Variants in SOX6 observed in about 807,000 individuals in gnomAD.
The protein encoded by SOX6 is transcription factor SOX-6.
Under a neutral mutation model 97.8 loss-of-function variants are expected in SOX6, and 11 were observed. That is an observed-to-expected ratio of 0.11 (90% CI 0.07 to 0.19). SOX6 has a LOEUF of 0.19. Ranked by LOEUF, SOX6 falls within the 10% of genes least tolerant of loss-of-function variation. The pLI is 1.00. For missense variants in SOX6, 810 were observed against 1,039.5 expected, an observed-to-expected ratio of 0.78 and a Z score of 3.04; for synonymous variants, 360 against 371.4, an observed-to-expected ratio of 0.97 and a Z score of 0.35.
intron 10 of SOX6, among the ~76,000 whole-genome samples, chr11:16,052,478 G>A (rs1049668175): frequency 2.0e-5 from 3 of 152,114 alleles, no homozygotes; most frequent in African/African-American, 7.2e-5. Flanking sequence ...TTTTTAGGAA[G>A]GCAGATGCTT....
rs992656403 is a variant in SOX6, at chr11:16,613,836, G to T, written n.430-1576C>A. ...GTGCCTAAGTCGCCACCTTGAGGTCGAGGGGAAGACTGCGCCCAGCTAGGG... is the reference window on the plus strand; with the variant it reads ...GTGCCTAAGTCGCCACCTTGAGGTCTAGGGGAAGACTGCGCCCAGCTAGGG... On this transcript the variant is annotated intron_variant and non_coding_transcript_variant, in intron 3 of 5. Coordinates refer to the SOX6 transcript ENST00000524520. This position sits in a 1 kb window ranked among gnomAD's most constrained non-coding sequence, Gnocchi z 4.6. Among the ~76,000 whole-genome samples, 3 of 152,164 alleles carry T rather than the reference G, an allele frequency of 2.0e-5. No homozygotes were observed. Among genetic ancestry groups the T allele is most frequent in the Non-Finnish European group, 2.9e-5 (2 of 68,022 alleles).
chr11:16,693,004 G>T (rs1848027766), intron 3 of SOX6, among the ~76,000 whole-genome samples: 1 of 152,046 alleles, frequency 6.6e-6, no homozygotes, highest in South Asian at 2.1e-4. Flanking sequence ...TTACTGTTTG[G>T]CATTTAGAGC....
chr11:15,988,048 A>G (rs957933417), intron 14 of SOX6, among the ~76,000 whole-genome samples: 1 of 152,188 alleles, frequency 6.6e-6, no homozygotes, highest in Non-Finnish European at 1.5e-5. Context: ...CTCAGGTTAA[A>G]TATTTATTAC....
intron 3 of SOX6, among the ~76,000 whole-genome samples, chr11:16,673,186 C>A (rs570296806): frequency 2.6e-5 from 4 of 151,992 alleles, no homozygotes; most frequent in Non-Finnish European, 5.9e-5. Flanking sequence ...TTCAAATAAC[C>A]TAACAATGTG....
chr11:16,389,775 C>T (rs1017452211), intron 1 of SOX6, among the ~76,000 whole-genome samples: 6 of 151,412 alleles, frequency 4.0e-5, no homozygotes, highest in Non-Finnish European at 5.9e-5. Flanking sequence ...GAGACCATCC[C>T]GGCTAACACG....
In SOX6 at chr11:16,524,701, T is replaced by A. The variant is rs1250589155; in HGVS notation, n.610-48313A>T. ...AAGAGGAAGTCAAATTGTCCCCGTT[T>A]GCAGATGACATGATTGTATATCTAG... is the stretch of plus-strand genomic sequence containing the variant. On this transcript the variant is annotated intron_variant and non_coding_transcript_variant, in intron 4 of 5. Transcript: ENST00000524520. 2.6e-5 allele frequency among the ~76,000 whole-genome samples: 4 copies of A among 152,170 alleles called. No homozygotes were observed. In the East Asian group the frequency reaches 7.7e-4, roughly 29 times the overall value.
chr11:16,204,417 T>C (rs1462927910), intron 4 of SOX6, among the ~76,000 whole-genome samples: 1 of 152,046 alleles, frequency 6.6e-6, no homozygotes, highest in African/African-American at 2.4e-5. Context: ...GGAGAGGACA[T>C]GTGGGGGTGT....
At chr11:16,690,263 T>G (rs1478383074) in intron 3 of SOX6, among the ~76,000 whole-genome samples, 2 of 152,216 alleles carry the variant, frequency 1.3e-5, no homozygotes, top group Admixed American at 6.5e-5. Context: ...TCTCTGAGTG[T>G]GCTAAGAGAT....
At chr11:16,079,113 T>C (rs1023408865) in intron 9 of SOX6, among the ~76,000 whole-genome samples, 1 of 152,172 alleles carries the variant, frequency 6.6e-6, no homozygotes, top group African/African-American at 2.4e-5. Flanking sequence ...TCTGGAGATA[T>C]GCCAGGGCTG....
chr11:16,568,889 C>T (rs1365867674), intron 4 of SOX6, among the ~76,000 whole-genome samples: 1 of 152,204 alleles, frequency 6.6e-6, no homozygotes, highest in Non-Finnish European at 1.5e-5. Flanking sequence ...AACCTTCTCT[C>T]TCCCATCCCG....
intron 6 of SOX6, among the ~76,000 whole-genome samples, chr11:16,155,562 G>C (rs1344209083): frequency 1.3e-5 from 2 of 152,080 alleles, no homozygotes; most frequent in African/African-American, 4.8e-5. Context: ...CATTTTCTCA[G>C]TGGCAAACAG....
At chr11:16,469,789 TACAGCAAATAA>T (rs1339971964) in intron 1 of SOX6, among the ~76,000 whole-genome samples, 1 of 152,006 alleles carries the variant, frequency 6.6e-6, no homozygotes, top group Non-Finnish European at 1.5e-5. Context: ...GATTCAAAAC[TACAGCAAATAA>T]AAAGCACTAT....
At chr11:16,135,711 G>A (rs1426670414) in intron 6 of SOX6, among the ~76,000 whole-genome samples, 1 of 152,202 alleles carries the variant, frequency 6.6e-6, no homozygotes, top group Admixed American at 6.5e-5. Flanking sequence ...TCTACTGAGT[G>A]AAAATGGTAT....
chr11:16,275,493 A>G lies in SOX6; in HGVS notation c.446-40822T>C, dbSNP rs1275999433. ...AAAACAAAACAAAACAAAACAAAAA[A>G]ACACCTCTTCCTTTGGGGAGTTAAG... On this transcript the variant is annotated intron_variant, in intron 3 of 15. Coordinates refer to ENST00000683767, the MANE Select transcript of SOX6 (RefSeq NM_001367873.1). Among the ~76,000 whole-genome samples, 12 of 146,306 alleles carry G rather than the reference A, an allele frequency of 8.2e-5. No homozygotes were observed. In the East Asian group the frequency reaches 2.3e-3, roughly 28 times the overall value.
At chr11:16,663,052 A>C (rs2134076) in intron 3 of SOX6, among the ~76,000 whole-genome samples, 81 of 152,134 alleles carry the variant, frequency 5.3e-4, no homozygotes, top group African/African-American at 1.8e-3. Flanking sequence ...AAAAAAAAAA[A>C]GAAAGAAAAA....
In SOX6 at chr11:16,699,702, A is replaced by C. The variant is rs1487615521; in HGVS notation, n.429+15128T>G. ...TACATTTTGTGTCTGATTGCAAGCA[A>C]GAGACTTGACAATAAGACACATACA... is the stretch of plus-strand genomic sequence containing the variant. On this transcript the variant is annotated intron_variant and non_coding_transcript_variant, in intron 3 of 5. Transcript: ENST00000524520. Among the ~76,000 whole-genome samples the C allele has an allele frequency of 2.6e-5, 4 of 152,166 alleles. No individual in the cohort carries two copies. In the East Asian group the frequency reaches 7.7e-4, roughly 29 times the overall value.
At chr11:16,473,248 A>C (rs891925455) in intron 1 of SOX6, among the ~76,000 whole-genome samples, 1 of 152,186 alleles carries the variant, frequency 6.6e-6, no homozygotes, top group African/African-American at 2.4e-5. Flanking sequence ...TTTGGTCCAG[A>C]CCACTGCAAT....
chr11:16,096,030 C>T lies in SOX6; in HGVS notation c.1067G>A (p.Gly356Asp). ...FGRNLDTFEH[G>D]GGHSYNHKQI... The stretch of plus-strand genomic sequence containing the variant: ...TTTGTGGTTGTAAGAGTGGCCACCA[C>T]CATGTTCAAAGGTGTCCAAATTCCT... Residue 356 changes from glycine to aspartate, a missense_variant, in exon 9 of 16, where the codon GGT becomes GAT. By Grantham distance (94) the Gly-to-Asp change is moderately conservative. Around this residue, in one of 9 missense-constraint regions of SOX6, gnomAD observed 244 missense variants for 261.0 expected, o/e 0.93. Transcript: ENST00000683767. 4 of 1,611,472 alleles carry T rather than the reference C, an allele frequency of 2.5e-6. No homozygotes were observed. Among genetic ancestry groups the T allele is most frequent in the Non-Finnish European group, 3.4e-6 (4 of 1,178,512 alleles).
At chr11:16,197,892 C>T (rs1176978531) in intron 4 of SOX6, among the ~76,000 whole-genome samples, 1 of 152,084 alleles carries the variant, frequency 6.6e-6, no homozygotes, top group East Asian at 1.9e-4. Flanking sequence ...ATTTCTAAGC[C>T]TCTACTTATA....
Sources: allele counts gnomAD v4.1 joint callset (sites outside exome capture counted in the v4.1 genomes callset), GRCh38; gene constraint gnomAD v4.1.1; regional missense constraint gnomAD v4.1.1; non-coding constraint Gnocchi (gnomAD v3.1); transcripts MANE v1.5; gene names NCBI Gene and HGNC (gene_info 2026-07-23, HGNC 2026-07-21).